The following CAMK2N1 variants were observed in gnomAD, a reference collection of about 807,000 sequenced individuals.
CAMK2N1 encodes calcium/calmodulin-dependent protein kinase II inhibitor 1.
In CAMK2N1, 2 loss-of-function variants were observed where a neutral mutation model predicts 6.4. That is an observed-to-expected ratio of 0.31 (90% CI 0.13 to 0.98). The LOEUF (loss-of-function observed/expected upper bound fraction) is 0.98, where lower values mean the gene tolerates loss of function less well. Among genes scored for constraint, CAMK2N1 ranks in the 50% least tolerant of loss-of-function variants. CAMK2N1 has a pLI of 0.51. For synonymous variants in CAMK2N1, 42 were observed against 47.5 expected (o/e 0.88, Z 0.47); for missense variants, 77 against 107.3 (o/e 0.72, Z 1.25).
rs1451372961 is a variant in CAMK2N1 at position 20,482,893 on chromosome 1, T to TGTGTGTGTGTGTG, written c.*755_*756insCACACACACACAC. On this transcript the variant is annotated 3_prime_UTR_variant, in exon 2 of 2. Transcript: ENST00000375078. ...TGTGTGTGTGTGTGTGTGTGTGTGT[T>TGTGTGTGTGTGTG]TTTCTGACATAAAAAATGTGTCCAT... 23 of 92,358 alleles carry TGTGTGTGTGTGTG rather than the reference T, an allele frequency of 2.5e-4. No homozygotes were observed. Among genetic ancestry groups the TGTGTGTGTGTGTG allele is most frequent in the African/African-American group, 6.8e-4 (19 of 28,048 alleles). The allele number at this position is 92,358 out of a possible 1,614,324, so 5.7% of individuals were successfully genotyped here.
In CAMK2N1 at chr1:20,485,300, CAGG is replaced by C. The variant is rs757019600; in HGVS notation, c.77_79del (p.Ser26del). On this transcript the variant is annotated inframe_deletion, in exon 1 of 2. Transcript: ENST00000375078. This position sits in a 1 kb window ranked among gnomAD's most constrained non-coding sequence, Gnocchi z 8.4. ...GAAGTTGTTGGTGTCCTGCAGGCGG[CAGG>C]AGAAGATCTGGCCCACGTCGCCGCC... 3.8e-6 allele frequency: 6 copies of C among 1,595,494 alleles called. No homozygotes were observed. The highest frequency in any genetic ancestry group is 1.7e-5 in the Admixed American group (1 of 58,274).
rs1570323750 is a variant in CAMK2N1, at chr1:20,485,992, T to G, written c.-613A>C. 2 of 109,696 alleles carry G rather than the reference T, an allele frequency of 1.8e-5. No homozygotes were observed. The highest frequency in any genetic ancestry group is 1.9e-5 in the Non-Finnish European group (1 of 53,686). The allele number at this position is 109,696 out of a possible 1,614,324, so 6.8% of individuals were successfully genotyped here. A position where few individuals can be genotyped will look rare whatever the true frequency, so the allele number is the denominator to read the frequency against. On this transcript the variant is annotated 5_prime_UTR_variant, in exon 1 of 2. Transcript: ENST00000375078. The surrounding 1 kb of genome is among the most constrained non-coding windows in gnomAD (Gnocchi z 8.4). Reference sequence around the variant, plus strand: ...AAAGACAGGGAGGCAGGGGAGACGGTGGAAGGAGACAGAGGAGAGGGGGAG... The same window carrying G: ...AAAGACAGGGAGGCAGGGGAGACGGGGGAAGGAGACAGAGGAGAGGGGGAG...
chr1:20,485,051 G>T lies in CAMK2N1; in HGVS notation c.166+163C>A, dbSNP rs1283105719. 6.6e-6 allele frequency among the ~76,000 whole-genome samples: 1 copy of T among 152,230 alleles called. No individual in the cohort carries two copies. The highest frequency in any genetic ancestry group is 1.5e-5 in the Non-Finnish European group (1 of 68,032). On this transcript the variant is annotated intron_variant, in intron 1 of 1. Coordinates refer to ENST00000375078, the MANE Select transcript of CAMK2N1 (RefSeq NM_018584.6). The surrounding 1 kb of genome is among the most constrained non-coding windows in gnomAD (Gnocchi z 8.4). ...ATCCGGCTTAGGGGGACGCGTTCCT[G>T]CGACCCGCTTCAGCCGGACCCGCAG...
At position 20,483,515 on chromosome 1, in the gene CAMK2N1, G is replaced by T. The variant is rs2051485320; in HGVS notation, c.*134C>A. The T allele has an allele frequency of 1.3e-6, 1 of 766,880 alleles. No individual in the cohort carries two copies. The highest frequency in any genetic ancestry group is 2.5e-5 in the East Asian group (1 of 39,296). 47.5% of individuals were successfully genotyped at this position (766,880 alleles called of 1,614,324 possible). On this transcript the variant is annotated 3_prime_UTR_variant, in exon 2 of 2. Coordinates refer to ENST00000375078, the MANE Select transcript of CAMK2N1 (RefSeq NM_018584.6). ...TCATCTGTCTCCCGGCCTGATACCA[G>T]ATACAGGTTGTTGATTTCATCGTGG... is the stretch of plus-strand genomic sequence containing the variant.
In CAMK2N1 at chr1:20,485,227, G is replaced by C; in HGVS notation, c.153C>G (p.Gly51=). ...NKRPPKLGQI[G]RSKRVVIEDD... ...CCGCGAACTCACCCCGCTTGCTCCGGCCGATCTGGCCCAGCTTGGGCGGCC... is the reference window on the plus strand; with the variant it reads ...CCGCGAACTCACCCCGCTTGCTCCGCCCGATCTGGCCCAGCTTGGGCGGCC... Residue 51 remains glycine (G), a synonymous_variant, in exon 1 of 2, where the codon GGC becomes GGG. Coordinates refer to ENST00000375078, the MANE Select transcript of CAMK2N1 (RefSeq NM_018584.6). The surrounding 1 kb of genome is among the most constrained non-coding windows in gnomAD (Gnocchi z 8.4). 6.3e-7 allele frequency: 1 copy of C among 1,596,084 alleles called. No individual in the cohort carries two copies. Among genetic ancestry groups the C allele is most frequent in the Non-Finnish European group, 8.5e-7 (1 of 1,174,290 alleles).
In CAMK2N1 at chr1:20,483,736, G is replaced by A. The variant is rs756554616; in HGVS notation, c.167-17C>T. On this transcript the variant is annotated splice_polypyrimidine_tract_variant and intron_variant, in intron 1 of 1. Transcript: ENST00000375078. ...CAATAACAACTGCAAAAAAAGGGGG[G>A]AAAAGAGAGGTGAGCGCGCTGGGGC... 8 of 1,612,468 alleles carry A rather than the reference G, an allele frequency of 5.0e-6. No individual in the cohort carries two copies. The highest frequency in any genetic ancestry group is 3.3e-5 in the Admixed American group (2 of 60,022).
Position 20,485,238 on chromosome 1 carries a change from C to T in CAMK2N1, c.142G>A (p.Gly48Ser). ...CCCCGCTTGCTCCGGCCGATCTGGC[C>T]CAGCTTGGGCGGCCGCTTGTTCTGC... The part of the protein sequence containing the change: ...AGQNKRPPKL[G>S]QIGRSKRVVI... The change falls in exon 1 of 2, where the codon GGC becomes AGC. Residue 48 changes from glycine to serine, a missense_variant. By Grantham distance (56) the Gly-to-Ser change is moderately conservative (BLOSUM62 0). Transcript: ENST00000375078. The surrounding 1 kb of genome is among the most constrained non-coding windows in gnomAD (Gnocchi z 8.4). 1 of 1,597,108 alleles carries T rather than the reference C, an allele frequency of 6.3e-7. No individual in the cohort carries two copies. Among genetic ancestry groups the T allele is most frequent in the South Asian group, 1.1e-5 (1 of 88,992 alleles).
Position 20,483,258 on chromosome 1 carries a change from T to C in CAMK2N1, c.*391A>G, listed in dbSNP as rs988005182. On this transcript the variant is annotated 3_prime_UTR_variant, in exon 2 of 2. Transcript: ENST00000375078. ...TGCCAACACCTCAAAACACCTGGTG[T>C]TGCCGCTTCATTAAGTGGTTCAAAA... 6.5e-6 allele frequency: 1 copy of C among 153,202 alleles called. No individual in the cohort carries two copies. The allele number at this position is 153,202 out of a possible 1,614,324, so 9.5% of individuals were successfully genotyped here. A position where few individuals can be genotyped will look rare whatever the true frequency, so the allele number is the denominator to read the frequency against.
Position 20,485,214 on chromosome 1 carries a change from C to T in CAMK2N1, c.166G>A (p.Val56Ile), listed in dbSNP as rs1228614018. 4 of 1,591,404 alleles carry T rather than the reference C, an allele frequency of 2.5e-6. No individual in the cohort carries two copies. The highest frequency in any genetic ancestry group is 1.1e-5 in the South Asian group (1 of 88,716). ...TCAGACAAGGGGGCCGCGAACTCAC[C>T]CCGCTTGCTCCGGCCGATCTGGCCC... ...KLGQIGRSKR[V>I]VIEDDRIDDV... Residue 56 changes from valine to isoleucine, a missense_variant and splice_region_variant, in exon 1 of 2, where the codon GTT becomes ATT. Val to Ile is a conservative substitution (Grantham distance 29). Transcript: ENST00000375078. This position sits in a 1 kb window ranked among gnomAD's most constrained non-coding sequence, Gnocchi z 8.4.
At position 20,485,545 on chromosome 1, in the gene CAMK2N1, C is replaced by T. The variant is rs550640270; in HGVS notation, c.-166G>A. ...CCGGGGGACGCCGCTAGGGCAAGAG[C>T]GCGGCACTCGCGCGAGCGGCCCGGA... is the stretch of plus-strand genomic sequence containing the variant. On this transcript the variant is annotated 5_prime_UTR_variant, in exon 1 of 2. Transcript: ENST00000375078. This position sits in a 1 kb window ranked among gnomAD's most constrained non-coding sequence, Gnocchi z 8.4. The T allele has an allele frequency of 3.1e-5, 9 of 287,552 alleles. No homozygotes were observed. Among genetic ancestry groups the T allele is most frequent in the Non-Finnish European group, 4.6e-5 (9 of 194,426 alleles). The allele number at this position is 287,552 out of a possible 1,614,324, so 17.8% of individuals were successfully genotyped here.
Position 20,483,780 on chromosome 1 carries a change from C to T in CAMK2N1, c.167-61G>A. On this transcript the variant is annotated intron_variant, in intron 1 of 1. Coordinates refer to ENST00000375078, the MANE Select transcript of CAMK2N1 (RefSeq NM_018584.6). ...CTGGGGCCTAGCCAGAGGTCTCTGA[C>T]ATTTCCCGTTATGCCCAGAGTGGGA... is the stretch of plus-strand genomic sequence containing the variant. 2.0e-6 allele frequency: 3 copies of T among 1,473,722 alleles called. No homozygotes were observed. In the South Asian group the frequency reaches 3.4e-5, roughly 17 times the overall value. The allele number at this position is 1,473,722 out of a possible 1,614,324, so 91.3% of individuals were successfully genotyped here.
chr1:20,482,893 T>TGTGTGTGTGTGTGTG lies in CAMK2N1; in HGVS notation c.*755_*756insCACACACACACACAC, dbSNP rs1451372961. ...TGTGTGTGTGTGTGTGTGTGTGTGT[T>TGTGTGTGTGTGTGTG]TTTCTGACATAAAAAATGTGTCCAT... On this transcript the variant is annotated 3_prime_UTR_variant, in exon 2 of 2. Coordinates refer to ENST00000375078, the MANE Select transcript of CAMK2N1 (RefSeq NM_018584.6). 4.3e-5 allele frequency: 4 copies of TGTGTGTGTGTGTGTG among 92,358 alleles called. No individual in the cohort carries two copies. Among genetic ancestry groups the TGTGTGTGTGTGTGTG allele is most frequent in the African/African-American group, 1.1e-4 (3 of 28,048 alleles). 5.7% of individuals were successfully genotyped at this position (92,358 alleles called of 1,614,324 possible).
In CAMK2N1 at chr1:20,484,202, C is replaced by A. The variant is rs1333332675; in HGVS notation, c.167-483G>T. Among the ~76,000 whole-genome samples, 1 of 152,164 alleles carries A rather than the reference C, an allele frequency of 6.6e-6. No individual in the cohort carries two copies. The highest frequency in any genetic ancestry group is 1.5e-5 in the Non-Finnish European group (1 of 68,018). ...CAAAACCGGTTCCCACGACGCGCAG[C>A]GGGTGGGGGTTAGGGCCTGGCCTGG... On this transcript the variant is annotated intron_variant, in intron 1 of 1. Coordinates refer to ENST00000375078, the MANE Select transcript of CAMK2N1 (RefSeq NM_018584.6). The surrounding 1 kb of genome is among the most constrained non-coding windows in gnomAD (Gnocchi z 6.8).
At chr1:20,483,844 C>T in intron 1 of CAMK2N1, 125 bp from the exon 2 acceptor site, 1 of 797,338 alleles carries the variant, frequency 1.3e-6, no homozygotes, top group African/African-American at 1.7e-5. Context: ...GGGCTCACTG[C>T]GCGGTGAAAC....
Position 20,485,134 on chromosome 1 carries a change from G to T in CAMK2N1, c.166+80C>A. On this transcript the variant is annotated intron_variant, in intron 1 of 1. Coordinates refer to ENST00000375078, the MANE Select transcript of CAMK2N1 (RefSeq NM_018584.6). This position sits in a 1 kb window ranked among gnomAD's most constrained non-coding sequence, Gnocchi z 8.4. The stretch of plus-strand genomic sequence containing the variant: ...CCGTCAGGTCTGAACGGGCTCCAGC[G>T]GGTGGGAGACCTCCGCAACCCTTGT... 7.0e-7 allele frequency: 1 copy of T among 1,432,414 alleles called. No individual in the cohort carries two copies. Among genetic ancestry groups the T allele is most frequent in the Non-Finnish European group, 9.3e-7 (1 of 1,074,290 alleles). 88.7% of individuals were successfully genotyped at this position (1,432,414 alleles called of 1,614,324 possible). A position where few individuals can be genotyped will look rare whatever the true frequency, so the allele number is the denominator to read the frequency against.
At position 20,484,603 on chromosome 1, in the gene CAMK2N1, C is replaced by A. The variant is rs1156311630; in HGVS notation, c.166+611G>T. On this transcript the variant is annotated intron_variant, in intron 1 of 1. Coordinates refer to ENST00000375078, the MANE Select transcript of CAMK2N1 (RefSeq NM_018584.6). This position sits in a 1 kb window ranked among gnomAD's most constrained non-coding sequence, Gnocchi z 6.8. Reference sequence around the variant, plus strand: ...CTCGGTCTCCCGCGTACCCCCTCCCCTCCATCCCTGCGTCTCAGTCTCTCT... The same window carrying A: ...CTCGGTCTCCCGCGTACCCCCTCCCATCCATCCCTGCGTCTCAGTCTCTCT... The A allele has an allele frequency of 6.6e-6, 1 of 152,432 alleles. No individual in the cohort carries two copies. The highest frequency in any genetic ancestry group is 1.5e-5 in the Non-Finnish European group (1 of 68,252). 9.4% of individuals were successfully genotyped at this position (152,432 alleles called of 1,614,324 possible).
chr1:20,483,635 T>G lies in CAMK2N1; in HGVS notation c.*14A>C. On this transcript the variant is annotated 3_prime_UTR_variant, in exon 2 of 2. Coordinates refer to ENST00000375078, the MANE Select transcript of CAMK2N1 (RefSeq NM_018584.6). ...GTTCTTATTCTCTCCCTTAACTCAT[T>G]GTCTTTGGGGGAGTTAGACACCAGG... is the stretch of plus-strand genomic sequence containing the variant. 1 of 1,608,132 alleles carries G rather than the reference T, an allele frequency of 6.2e-7. No individual in the cohort carries two copies. Among genetic ancestry groups the G allele is most frequent in the Non-Finnish European group, 8.5e-7 (1 of 1,174,550 alleles).
chr1:20,485,424 C>G lies in CAMK2N1; in HGVS notation c.-45G>C. The G allele has an allele frequency of 8.0e-7, 1 of 1,243,582 alleles. No homozygotes were observed. Among genetic ancestry groups the G allele is most frequent in the Non-Finnish European group, 1.0e-6 (1 of 988,890 alleles). The allele number at this position is 1,243,582 out of a possible 1,614,324, so 77.0% of individuals were successfully genotyped here. A position where few individuals can be genotyped will look rare whatever the true frequency, so the allele number is the denominator to read the frequency against. On this transcript the variant is annotated 5_prime_UTR_variant, in exon 1 of 2. Transcript: ENST00000375078. This position sits in a 1 kb window ranked among gnomAD's most constrained non-coding sequence, Gnocchi z 8.4. ...GCCGCGGCGCCTCCTCCGCCCGCGT[C>G]CCCGCCCGCGGCGGACAGGGTCAGC...
In CAMK2N1 at chr1:20,484,809, C is replaced by T. The variant is rs966490706; in HGVS notation, c.166+405G>A. Among the ~76,000 whole-genome samples, 2 of 152,190 alleles carry T rather than the reference C, an allele frequency of 1.3e-5. No homozygotes were observed. The highest frequency in any genetic ancestry group is 2.9e-5 in the Non-Finnish European group (2 of 68,026). ...GCGACCCGAACACCCTAGCCTTCCCCGCAGGAATGGGATCCTCCCCACGCA... is the reference window on the plus strand; with the variant it reads ...GCGACCCGAACACCCTAGCCTTCCCTGCAGGAATGGGATCCTCCCCACGCA... On this transcript the variant is annotated intron_variant, in intron 1 of 1. Coordinates refer to ENST00000375078, the MANE Select transcript of CAMK2N1 (RefSeq NM_018584.6). This position sits in a 1 kb window ranked among gnomAD's most constrained non-coding sequence, Gnocchi z 6.8.
Sources: allele counts gnomAD v4.1 joint callset (sites outside exome capture counted in the v4.1 genomes callset), GRCh38; gene constraint gnomAD v4.1.1; non-coding constraint Gnocchi (gnomAD v3.1); transcripts MANE v1.5; gene names NCBI Gene and HGNC (gene_info 2026-07-23, HGNC 2026-07-21).